The following ANTXR1 variants were observed in gnomAD, a reference collection of about 807,000 sequenced individuals.
ANTXR1 encodes the protein ANTXR cell adhesion molecule 1, also known as anthrax toxin receptor 1.
In ANTXR1, 19 loss-of-function variants were observed where a neutral mutation model predicts 78.1. That is an observed-to-expected ratio of 0.24 (90% CI 0.17 to 0.36). ANTXR1 has a LOEUF of 0.36. ANTXR1 is among the 10% of genes least tolerant of loss of function. The pLI is 1.00. For missense variants in ANTXR1, 518 were observed against 718.6 expected, an observed-to-expected ratio of 0.72 and a Z score of 3.19; for synonymous variants, 273 against 260.5, an observed-to-expected ratio of 1.05 and a Z score of -0.46.
At chr2:69,129,974 A>G (rs1672681823) in intron 12 of ANTXR1, among the ~76,000 whole-genome samples, 2 of 152,176 alleles carry the variant, frequency 1.3e-5, no homozygotes, top group Non-Finnish European at 2.9e-5. Flanking sequence ...CCAGGGATGG[A>G]TATATCTCTG....
intron 15 of ANTXR1, 68 bp from the exon 16 acceptor site, chr2:69,182,425 T>C (rs1294344792): frequency 7.0e-6 from 11 of 1,572,696 alleles, no homozygotes; most frequent in Non-Finnish European, 8.7e-6. Flanking sequence ...ATGCATGTAT[T>C]TGTCATTCTC....
rs1573838300 is a variant in ANTXR1, at chr2:69,070,574, A to G, written c.297-73A>G. 2.9e-6 allele frequency: 4 copies of G among 1,362,140 alleles called. No individual in the cohort carries two copies. The East Asian group carries it at 9.2e-5, about 31-fold the overall frequency. 84.4% of individuals were successfully genotyped at this position (1,362,140 alleles called of 1,614,324 possible). ...CAGTATCCACAGAGGTAAGAAGAAG[A>G]CTAGTACTTATGACTACAACAGCAA... On this transcript the variant is annotated intron_variant, in intron 3 of 17. Coordinates refer to ENST00000303714, the MANE Select transcript of ANTXR1 (RefSeq NM_032208.3).
At chr2:69,059,349 C>T (rs1325636608) in intron 3 of ANTXR1, among the ~76,000 whole-genome samples, 1 of 152,212 alleles carries the variant, frequency 6.6e-6, no homozygotes, top group East Asian at 1.9e-4. Context: ...CTTCAGCAAC[C>T]ATCACTCTGA....
intron 14 of ANTXR1, among the ~76,000 whole-genome samples, chr2:69,178,049 C>G (rs1453431875): frequency 1.3e-5 from 2 of 152,128 alleles, no homozygotes; most frequent in Non-Finnish European, 2.9e-5. Context: ...GTGTTTTCTC[C>G]CTCCCTGCTA....
Position 69,070,668 on chromosome 2 carries a change from A to G in ANTXR1, c.318A>G (p.Leu106=). The change falls in exon 4 of 18, where the codon CTA becomes CTG. Residue 106 remains leucine, a synonymous_variant. Transcript: ENST00000303714. ...TCAGAGAACAAATCCGTCAAGGCCT[A>G]GAAGAACTCCAGAAAGTTCTGCCAG... ...TEDREQIRQG[L]EELQKVLPGG... 1 of 1,614,170 alleles carries G rather than the reference A, an allele frequency of 6.2e-7. No individual in the cohort carries two copies. The highest frequency in any genetic ancestry group is 8.5e-7 in the Non-Finnish European group (1 of 1,180,008).
At chr2:69,066,377 C>A (rs1032180777) in intron 3 of ANTXR1, among the ~76,000 whole-genome samples, 3 of 152,000 alleles carry the variant, frequency 2.0e-5, no homozygotes, top group Non-Finnish European at 2.9e-5. Flanking sequence ...GCTCACTCAA[C>A]CTCTGCCTCC....
intron 10 of ANTXR1, among the ~76,000 whole-genome samples, chr2:69,108,799 G>A (rs1432544997): frequency 2.6e-5 from 4 of 152,122 alleles, no homozygotes; most frequent in Admixed American, 6.6e-5. Context: ...ACATGATCTC[G>A]TTCTTTTCTA....
At chr2:69,036,295 C>T (rs1669420416) in intron 1 of ANTXR1, among the ~76,000 whole-genome samples, 1 of 152,142 alleles carries the variant, frequency 6.6e-6, no homozygotes, top group African/African-American at 2.4e-5. Flanking sequence ...TACAGGCATG[C>T]AATGTGAAAT....
intron 6 of ANTXR1, 74 bp downstream of exon 6, chr2:69,073,175 T>G (rs550479175): frequency 1.7e-5 from 23 of 1,324,710 alleles, no homozygotes; most frequent in Middle Eastern, 1.8e-4. Context: ...GGCCACACTC[T>G]CTCTATTCAT....
At chr2:69,231,669 G>T (rs1348791109) in intron 17 of ANTXR1, among the ~76,000 whole-genome samples, 1 of 152,168 alleles carries the variant, frequency 6.6e-6, no homozygotes, top group African/African-American at 2.4e-5. Context: ...GGCGGCTGGG[G>T]CTGGAATCAC....
intron 11 of ANTXR1, 133 bp downstream of exon 11, chr2:69,123,219 T>C: frequency 1.1e-6 from 1 of 906,770 alleles, no homozygotes; most frequent in East Asian, 2.4e-5. Flanking sequence ...ACGGAGCCAG[T>C]GTTTACAGTG....
At chr2:69,201,525 G>A (rs564048892) in intron 17 of ANTXR1, among the ~76,000 whole-genome samples, 2 of 152,330 alleles carry the variant, frequency 1.3e-5, no homozygotes, top group African/African-American at 2.4e-5. Flanking sequence ...AAGCAGAGGC[G>A]CAATCGGATG....
intron 17 of ANTXR1, among the ~76,000 whole-genome samples, chr2:69,215,064 T>C (rs915750897): frequency 4.6e-5 from 7 of 152,204 alleles, no homozygotes; most frequent in African/African-American, 1.7e-4. Context: ...GACGCATGGA[T>C]GGGCGAACCC....
At chr2:69,049,510 A>T (rs555960847) in intron 3 of ANTXR1, among the ~76,000 whole-genome samples, 51 of 152,186 alleles carry the variant, frequency 3.4e-4, no homozygotes, top group African/African-American at 1.2e-3. Context: ...GGGTTTCACC[A>T]TGTTGGTCAG....
chr2:69,209,582 G>C (rs1417268484), intron 17 of ANTXR1, among the ~76,000 whole-genome samples: 2 of 152,208 alleles, frequency 1.3e-5, no homozygotes, highest in Non-Finnish European at 2.9e-5. Flanking sequence ...GTGATGAGTG[G>C]AAAGACAATA....
At chr2:69,196,874 G>T (rs1221006734) in intron 17 of ANTXR1, among the ~76,000 whole-genome samples, 1 of 152,066 alleles carries the variant, frequency 6.6e-6, no homozygotes, top group Admixed American at 6.5e-5. Flanking sequence ...CCTCCCCCCA[G>T]CTACTCCACC....
chr2:69,152,271 G>A lies in ANTXR1; in HGVS notation c.1047+7G>A. ...GCCCCTCTGCTGCACTGTGGTAAGT[G>A]CCCCAAACCTCAGGCCATGCAAGGT... On this transcript the variant is annotated splice_region_variant and intron_variant, in intron 13 of 17. Transcript: ENST00000303714. 6.2e-7 allele frequency: 1 copy of A among 1,613,896 alleles called. No homozygotes were observed. Among genetic ancestry groups the A allele is most frequent in the Non-Finnish European group, 8.5e-7 (1 of 1,179,804 alleles).
chr2:69,246,274 A>T lies in ANTXR1; in HGVS notation c.*789A>T, dbSNP rs1271203059. 6.6e-6 allele frequency: 1 copy of T among 152,250 alleles called. No individual in the cohort carries two copies. The highest frequency in any genetic ancestry group is 1.5e-5 in the Non-Finnish European group (1 of 68,046). 9.4% of individuals were successfully genotyped at this position (152,250 alleles called of 1,614,324 possible). On this transcript the variant is annotated 3_prime_UTR_variant, in exon 18 of 18. Coordinates refer to ENST00000303714, the MANE Select transcript of ANTXR1 (RefSeq NM_032208.3). Reference sequence around the variant, plus strand: ...CAGCTAGAGGTGGCTGGCTTTGGCCAGACATGGACCCTAAATCAACAGACA... The same window carrying T: ...CAGCTAGAGGTGGCTGGCTTTGGCCTGACATGGACCCTAAATCAACAGACA...
chr2:69,054,062 T>C (rs537273891), intron 3 of ANTXR1, among the ~76,000 whole-genome samples: 1 of 152,298 alleles, frequency 6.6e-6, no homozygotes, highest in Non-Finnish European at 1.5e-5. Flanking sequence ...ATTAAGGGCT[T>C]ATTATATACC....
Sources: gnomAD v4.1 joint callset for allele counts (sites outside exome capture counted in the v4.1 genomes callset) on GRCh38, gnomAD v4.1.1 for gene constraint, MANE v1.5 for transcripts, NCBI Gene and HGNC (gene_info 2026-07-23, HGNC 2026-07-21) for gene names.